Variants in ADAMTS7 observed in about 807,000 individuals in gnomAD.
ADAMTS7 encodes A disintegrin and metalloproteinase with thrombospondin motifs 7.
In ADAMTS7, 89 loss-of-function variants were observed where a neutral mutation model predicts 172.6. The ratio of observed to expected loss-of-function variants is 0.52; its 90% CI spans 0.43 to 0.61. The LOEUF is 0.61. ADAMTS7 is among the 20% of genes least tolerant of loss of function. The pLI is 0.00. For synonymous variants in ADAMTS7, 885 were observed against 978.4 expected, an observed-to-expected ratio of 0.90 and a Z score of 1.78; for missense variants, 1,973 against 2,355.6, an observed-to-expected ratio of 0.84 and a Z score of 3.36.
At chr15:78,786,271 A>G (rs1360904288) in intron 8 of ADAMTS7, among the ~76,000 whole-genome samples, 1 of 152,158 alleles carries the variant, frequency 6.6e-6, no homozygotes, top group South Asian at 2.1e-4. Flanking sequence ...AAGAGCCTGT[A>G]TCTGAGCAGA....
chr15:78,767,284 C>T lies in ADAMTS7; in HGVS notation c.2859+95G>A, dbSNP rs992396627. 4.4e-5 allele frequency: 65 copies of T among 1,473,938 alleles called. 1 individual carries two copies. The Admixed American group carries it at 1.2e-3, about 27-fold the overall frequency. 91.3% of individuals were successfully genotyped at this position (1,473,938 alleles called of 1,614,324 possible). A position where few individuals can be genotyped will look rare whatever the true frequency, so the allele number is the denominator to read the frequency against. On this transcript the variant is annotated intron_variant, in intron 18 of 23. Coordinates refer to ENST00000388820, the MANE Select transcript of ADAMTS7 (RefSeq NM_014272.5). The stretch of plus-strand genomic sequence containing the variant: ...GGACCCTGGAATGCCCAGGTTCCCT[C>T]CCACCCACAAGGTCTCCAGGAAGGC...
intron 8 of ADAMTS7, among the ~76,000 whole-genome samples, chr15:78,783,193 G>A (rs2055455760): frequency 6.6e-6 from 1 of 152,186 alleles, no homozygotes; most frequent in Admixed American, 6.5e-5. Flanking sequence ...ACTTGGAAGA[G>A]TCCTGCCCAA....
At chr15:78,793,436 C>T (rs761142869) in intron 4 of ADAMTS7, among the ~76,000 whole-genome samples, 11 of 152,038 alleles carry the variant, frequency 7.2e-5, no homozygotes, top group East Asian at 1.9e-4. Context: ...TCACTGCAGC[C>T]GCTGCAGCCT....
chr15:78,777,593 A>G lies in ADAMTS7; in HGVS notation c.1323-5T>C, dbSNP rs1215930011. On this transcript the variant is annotated splice_polypyrimidine_tract_variant and splice_region_variant and intron_variant, in intron 8 of 23. Coordinates refer to ENST00000388820, the MANE Select transcript of ADAMTS7 (RefSeq NM_014272.5). Reference sequence around the variant, plus strand: ...AGGCACAGGCCCCACCCACGGCTAAAGATGGGACGGGAGGATGGAGGGGGG... The same window carrying G: ...AGGCACAGGCCCCACCCACGGCTAAGGATGGGACGGGAGGATGGAGGGGGG... 6.2e-7 allele frequency: 1 copy of G among 1,602,400 alleles called. No individual in the cohort carries two copies.
At chr15:78,798,791 G>A (rs1171522487) in intron 2 of ADAMTS7, among the ~76,000 whole-genome samples, 2 of 152,178 alleles carry the variant, frequency 1.3e-5, no homozygotes, top group African/African-American at 4.8e-5. Context: ...GGAAGCTCAG[G>A]GCTCCAACAG....
rs1364625942 is a variant in ADAMTS7 at position 78,773,249 on chromosome 15, C to T, written c.2011-46G>A. 8 of 1,383,644 alleles carry T rather than the reference C, an allele frequency of 5.8e-6. 2 individuals carry two copies. Among genetic ancestry groups the T allele is most frequent in the Non-Finnish European group, 8.0e-6 (8 of 1,004,948 alleles). 85.7% of individuals were successfully genotyped at this position (1,383,644 alleles called of 1,614,324 possible). A position where few individuals can be genotyped will look rare whatever the true frequency, so the allele number is the denominator to read the frequency against. On this transcript the variant is annotated intron_variant, in intron 13 of 23. Coordinates refer to ENST00000388820, the MANE Select transcript of ADAMTS7 (RefSeq NM_014272.5). Reference sequence around the variant, plus strand: ...AGGGCCCTGGTGCTGGCGGCCAGCCCTCTGTGGCCCCAGCCCCGGGGCCAG... The same window carrying T: ...AGGGCCCTGGTGCTGGCGGCCAGCCTTCTGTGGCCCCAGCCCCGGGGCCAG...
chr15:78,766,671 G>A lies in ADAMTS7; in HGVS notation c.3240C>T (p.Pro1080=), dbSNP rs139248514. The A allele has an allele frequency of 1.4e-3, 2,206 of 1,607,848 alleles. 23 individuals are homozygous for A. In the East Asian group the frequency reaches 0.031, roughly 22 times the overall value. The stretch of plus-strand genomic sequence containing the variant: ...CCAGGTCTAGATCGGGCTCCTCAGA[G>A]GGCCCGTAGGACAGATCCTCGTGGA... ...INFHEDLSYG[P]SEEPDLDLAG... is the part of the protein sequence containing the mutation. Residue 1080 remains proline (P), a synonymous_variant, in exon 19 of 24, where the codon CCC becomes CCT. Transcript: ENST00000388820.
rs767250980 is a variant in ADAMTS7 at position 78,768,206 on chromosome 15, C to T, written c.2572G>A (p.Glu858Lys). 1.8e-5 allele frequency: 29 copies of T among 1,610,178 alleles called. No homozygotes were observed. Among genetic ancestry groups the T allele is most frequent in the Non-Finnish European group, 2.4e-5 (28 of 1,179,510 alleles). The part of the protein sequence containing the change: ...CLERQAGPVD[E>K]EHCDPLGRPD... ...CGGCCCAGGGGGTCACAGTGCTCCT[C>T]GTCCACGGGCCCTGCCTGCCGCTCC... is the stretch of plus-strand genomic sequence containing the variant. Residue 858 changes from glutamate to lysine, a missense_variant, in exon 17 of 24, where the codon GAG becomes AAG. By Grantham distance (56) the Glu-to-Lys change is moderately conservative (BLOSUM62 1). This residue lies in a region of ADAMTS7 where 771 missense variants were observed against 952.6 expected (regional missense o/e 0.81). Coordinates refer to ENST00000388820, the MANE Select transcript of ADAMTS7 (RefSeq NM_014272.5).
Position 78,777,569 on chromosome 15 carries a change from G to T in ADAMTS7, c.1342C>A (p.Leu448Met). ...RFLDRGWGLC[L>M]DDPPAKDIID... is the part of the protein sequence containing the mutation. The stretch of plus-strand genomic sequence containing the variant: ...ATGTCCTTGGCAGGAGGGTCGTCCA[G>T]GCACAGGCCCCACCCACGGCTAAAG... The change falls in exon 9 of 24, where the codon CTG becomes ATG. Residue 448 changes from leucine (L) to methionine (M), a missense_variant. Transcript: ENST00000388820. 1 of 1,606,722 alleles carries T rather than the reference G, an allele frequency of 6.2e-7. No homozygotes were observed.
chr15:78,797,417 A>G (rs2055660571), intron 3 of ADAMTS7, among the ~76,000 whole-genome samples: 1 of 152,252 alleles, frequency 6.6e-6, no homozygotes. Flanking sequence ...GCATTCCCCA[A>G]ACCCCAGCAA....
At position 78,767,017 on chromosome 15, in the gene ADAMTS7, C is replaced by T. The variant is rs751121773; in HGVS notation, c.2894G>A (p.Arg965Gln). 31 of 1,574,872 alleles carry T rather than the reference C, an allele frequency of 2.0e-5. No homozygotes were observed. Among genetic ancestry groups the T allele is most frequent in the East Asian group, 9.0e-5 (4 of 44,610 alleles). ...SVTCGEGTQR[R>Q]NVLCTNDTGV... is the part of the protein sequence containing the mutation. The stretch of plus-strand genomic sequence containing the variant: ...GGTGTCATTGGTGCAGAGGACATTT[C>T]GGCGCTGAGTGCCCTCCCCACATGT... The change falls in exon 19 of 24, where the codon CGA (arginine) becomes CAA (glutamine). Residue 965 changes from arginine to glutamine, a missense_variant. By Grantham distance (43) the Arg-to-Gln change is conservative. Coordinates refer to ENST00000388820, the MANE Select transcript of ADAMTS7 (RefSeq NM_014272.5).
chr15:78,791,731 G>A (rs999458872), intron 4 of ADAMTS7, among the ~76,000 whole-genome samples: 3 of 152,244 alleles, frequency 2.0e-5, no homozygotes, highest in Non-Finnish European at 4.4e-5. Flanking sequence ...TCAGAGGGTA[G>A]AGTGAGGGTA....
chr15:78,774,498 G>C lies in ADAMTS7; in HGVS notation c.1876+126C>G. On this transcript the variant is annotated intron_variant, in intron 12 of 23. Coordinates refer to ENST00000388820, the MANE Select transcript of ADAMTS7 (RefSeq NM_014272.5). ...AGCTAGGGGCGAGCAGCAGCCCCAG[G>C]GGACAGTGGGAGTGGCCCAGGCTTG... The C allele has an allele frequency of 5.4e-6, 8 of 1,485,594 alleles. No homozygotes were observed. The South Asian group carries it at 8.6e-5, about 16-fold the overall frequency. The allele number at this position is 1,485,594 out of a possible 1,614,324, so 92.0% of individuals were successfully genotyped here. A position where few individuals can be genotyped will look rare whatever the true frequency, so the allele number is the denominator to read the frequency against.
At chr15:78,777,769 C>T (rs1187625077) in intron 8 of ADAMTS7, among the ~76,000 whole-genome samples, 181 bp from the exon 9 acceptor site, 4 of 152,340 alleles carry the variant, frequency 2.6e-5, no homozygotes, top group Middle Eastern at 6.8e-3. Context: ...CACAGGCCCT[C>T]CCGGCCTCTC....
At chr15:78,792,476 A>G (rs905089305) in intron 4 of ADAMTS7, among the ~76,000 whole-genome samples, 1 of 152,190 alleles carries the variant, frequency 6.6e-6, no homozygotes, top group Admixed American at 6.5e-5. Context: ...TCATCATGAC[A>G]TGCCTTTGCC....
chr15:78,769,893 G>A (rs1242115461), intron 16 of ADAMTS7, among the ~76,000 whole-genome samples: 1 of 152,240 alleles, frequency 6.6e-6, no homozygotes, highest in East Asian at 1.9e-4. Flanking sequence ...CAGGGGCAGT[G>A]GCTCACACCT....
intron 10 of ADAMTS7, 131 bp from the exon 11 acceptor site, chr15:78,776,464 C>A: frequency 1.5e-6 from 2 of 1,333,380 alleles, no homozygotes; most frequent in Non-Finnish European, 2.1e-6. Flanking sequence ...AGAGAGGCAC[C>A]CTCACAATCA....
At chr15:78,788,122 C>T (rs1596192566) in intron 8 of ADAMTS7, 109 bp downstream of exon 8, 4 of 1,438,476 alleles carry the variant, frequency 2.8e-6, no homozygotes, top group East Asian at 2.3e-5. Context: ...CAAGATCTTG[C>T]CCCTCTGCTT....
Position 78,774,492 on chromosome 15 carries a change from C to A in ADAMTS7, c.1876+132G>T, listed in dbSNP as rs552302802. 57 of 1,457,650 alleles carry A rather than the reference C, an allele frequency of 3.9e-5. 1 individual carries two copies. In the South Asian group the frequency reaches 6.2e-4, roughly 16 times the overall value. The allele number at this position is 1,457,650 out of a possible 1,614,324, so 90.3% of individuals were successfully genotyped here. A position where few individuals can be genotyped will look rare whatever the true frequency, so the allele number is the denominator to read the frequency against. ...CTGGGGAGCTAGGGGCGAGCAGCAG[C>A]CCCAGGGGACAGTGGGAGTGGCCCA... On this transcript the variant is annotated intron_variant, in intron 12 of 23. Coordinates refer to ENST00000388820, the MANE Select transcript of ADAMTS7 (RefSeq NM_014272.5).
Sources: gnomAD v4.1 joint callset for allele counts (sites outside exome capture counted in the v4.1 genomes callset) on GRCh38, gnomAD v4.1.1 for gene constraint, gnomAD v4.1.1 regional missense constraint, MANE v1.5 for transcripts, NCBI Gene and HGNC (gene_info 2026-07-23, HGNC 2026-07-21) for gene names.